The following IQCM variants were observed in gnomAD, a reference collection of about 807,000 sequenced individuals.
The protein encoded by IQCM is IQ domain-containing protein M.
In IQCM, 45 loss-of-function variants were observed where a neutral mutation model predicts 57.6. That is an observed-to-expected ratio of 0.78 (90% confidence interval 0.62 to 1.00). The LOEUF (loss-of-function observed/expected upper bound fraction) is 1.00, where lower values mean the gene tolerates loss of function less well. Ranked by LOEUF, IQCM falls within the 50% of genes least tolerant of loss-of-function variation. The pLI, the probability that IQCM is intolerant of heterozygous loss-of-function variation, is 0.00. For missense variants in IQCM, 468 were observed against 511.6 expected (o/e 0.91, Z 0.82); for synonymous variants, 148 against 158.9 (o/e 0.93, Z 0.51).
intron 13 of IQCM, among the ~76,000 whole-genome samples, chr4:149,378,686 A>T (rs1460153507): frequency 1.3e-5 from 2 of 152,210 alleles, no homozygotes; most frequent in African/African-American, 2.4e-5. Context: ...GAAGCACAGC[A>T]TAAAAGTTTG....
chr4:149,668,802 T>G (rs528808109), intron 7 of IQCM, among the ~76,000 whole-genome samples: 1 of 152,140 alleles, frequency 6.6e-6, no homozygotes, highest in South Asian at 2.1e-4. Context: ...CAATGTGATA[T>G]AGAGAAAATC....
At chr4:149,419,302 CA>C (rs1303378037) in intron 13 of IQCM, among the ~76,000 whole-genome samples, 4 of 152,048 alleles carry the variant, frequency 2.6e-5, no homozygotes, top group Non-Finnish European at 5.9e-5. Context: ...ACACATAGAC[CA>C]ATGGAACATA....
chr4:149,608,256 A>C (rs1754974366), intron 8 of IQCM, among the ~76,000 whole-genome samples: 1 of 151,984 alleles, frequency 6.6e-6, no homozygotes, highest in African/African-American at 2.4e-5. Context: ...GAGCACCCAG[A>C]AATACAAAGC....
At chr4:149,406,260 A>T (rs1732973140) in intron 13 of IQCM, among the ~76,000 whole-genome samples, 1 of 152,092 alleles carries the variant, frequency 6.6e-6, no homozygotes, top group South Asian at 2.1e-4. Context: ...TAATATAGAC[A>T]TATAAACATG....
intron 13 of IQCM, among the ~76,000 whole-genome samples, chr4:149,400,168 T>C (rs1732515723): frequency 6.6e-6 from 1 of 151,462 alleles, no homozygotes; most frequent in African/African-American, 2.4e-5. Context: ...GAAGAGAATG[T>C]GAGTAGGTTA....
chr4:149,630,570 A>T (rs572121859), intron 7 of IQCM, among the ~76,000 whole-genome samples: 55 of 152,286 alleles, frequency 3.6e-4, no homozygotes, highest in Middle Eastern at 3.4e-3. Flanking sequence ...TTTGATTTTT[A>T]AAAAAATAAG....
chr4:149,435,166 A>G (rs1190244834), intron 12 of IQCM, among the ~76,000 whole-genome samples: 1 of 152,168 alleles, frequency 6.6e-6, no homozygotes, highest in Non-Finnish European at 1.5e-5. Context: ...TCTCTGTCAT[A>G]GTTAATAACT....
chr4:149,443,177 T>C (rs1736145381), intron 12 of IQCM, among the ~76,000 whole-genome samples: 1 of 152,058 alleles, frequency 6.6e-6, no homozygotes, highest in African/African-American at 2.4e-5. Flanking sequence ...TTCAACTCAT[T>C]GCACCAGGCC....
chr4:149,381,368 T>TA (rs1731063182), intron 13 of IQCM, among the ~76,000 whole-genome samples: 1 of 152,152 alleles, frequency 6.6e-6, no homozygotes, highest in African/African-American at 2.4e-5. Context: ...ACCATGCCAT[T>TA]AAGCTTCCTA....
chr4:149,809,192 G>C (rs1357297386), intron 2 of IQCM, among the ~76,000 whole-genome samples: 1 of 150,628 alleles, frequency 6.6e-6, no homozygotes, highest in African/African-American at 2.5e-5. Context: ...GAACCTGGGA[G>C]GTAGAGGGTG....
At chr4:149,353,123 A>T (rs1728690901) in intron 13 of IQCM, among the ~76,000 whole-genome samples, 1 of 152,206 alleles carries the variant, frequency 6.6e-6, no homozygotes, top group African/African-American at 2.4e-5. Context: ...ACTTTAAAAA[A>T]GGACCTGAAT....
In IQCM at chr4:149,418,764, C is replaced by T. The variant is rs538329252; in HGVS notation, c.1390+14632G>A. ...AAACCCCATCATCTCAGCCCAAAAG[C>T]TTCTTAAGCAGACAAGGAACTTCAG... is the stretch of plus-strand genomic sequence containing the variant. On this transcript the variant is annotated intron_variant, in intron 13 of 13. Transcript: ENST00000636793. 6.6e-5 allele frequency among the ~76,000 whole-genome samples: 10 copies of T among 152,250 alleles called. No individual in the cohort carries two copies. In the South Asian group the frequency reaches 1.7e-3, roughly 25 times the overall value.
At chr4:149,716,546 C>T (rs1338763998) in intron 5 of IQCM, among the ~76,000 whole-genome samples, 2 of 152,262 alleles carry the variant, frequency 1.3e-5, no homozygotes, top group African/African-American at 2.4e-5. Context: ...CGGAAGAGGG[C>T]GGGGCTCACA....
intron 12 of IQCM, among the ~76,000 whole-genome samples, chr4:149,504,302 C>A (rs184376810): frequency 6.6e-6 from 1 of 152,042 alleles, no homozygotes; most frequent in African/African-American, 2.4e-5. Flanking sequence ...AAAATTACTG[C>A]GCAAAATGAA....
intron 2 of IQCM, among the ~76,000 whole-genome samples, chr4:149,788,887 T>C (rs1242036031): frequency 6.6e-6 from 1 of 152,138 alleles, no homozygotes; most frequent in Non-Finnish European, 1.5e-5. Context: ...GTGAAATAAG[T>C]CAGGCACAGA....
intron 7 of IQCM, among the ~76,000 whole-genome samples, chr4:149,632,920 G>C (rs559657374): frequency 2.0e-5 from 3 of 151,946 alleles, no homozygotes; most frequent in Admixed American, 6.5e-5. Flanking sequence ...CCAGCACTTT[G>C]GGAGGCCGAG....
At chr4:149,705,237 T>A (rs996405029) in intron 5 of IQCM, among the ~76,000 whole-genome samples, 1 of 147,284 alleles carries the variant, frequency 6.8e-6, no homozygotes, top group Non-Finnish European at 1.5e-5. Flanking sequence ...TCCTACTGTT[T>A]CTTTTTATAT....
Position 149,466,810 on chromosome 4 carries a change from G to A in IQCM, c.1229-33253C>T, listed in dbSNP as rs1738904779. Among the ~76,000 whole-genome samples, 4 of 152,254 alleles carry A rather than the reference G, an allele frequency of 2.6e-5. No individual in the cohort carries two copies. The South Asian group carries it at 8.3e-4, about 32-fold the overall frequency. ...CCCAGAATTTATTGTTCTGGAAGCTGGGAAGTCCAAGATCAAGGTTCCAGC... is the reference window on the plus strand; with the variant it reads ...CCCAGAATTTATTGTTCTGGAAGCTAGGAAGTCCAAGATCAAGGTTCCAGC... On this transcript the variant is annotated intron_variant, in intron 12 of 13. Transcript: ENST00000636793.
At chr4:149,426,917 G>T (rs1481831267) in intron 13 of IQCM, among the ~76,000 whole-genome samples, 1 of 151,858 alleles carries the variant, frequency 6.6e-6, no homozygotes. Flanking sequence ...TTGGAGACTG[G>T]CTACCACTCT....
Sources: allele counts gnomAD v4.1 joint callset (sites outside exome capture counted in the v4.1 genomes callset), GRCh38; gene constraint gnomAD v4.1.1; transcripts MANE v1.5; gene names NCBI Gene and HGNC (gene_info 2026-07-23, HGNC 2026-07-21).